Variants in SLC34A2 observed in about 807,000 individuals in gnomAD.
The protein encoded by SLC34A2 is solute carrier family 34 member 2.
Under a neutral mutation model 50.8 loss-of-function variants are expected in SLC34A2, and 41 were observed. The observed-to-expected ratio is 0.81, with a 90% CI of 0.63 to 1.05. The LOEUF (loss-of-function observed/expected upper bound fraction) is 1.05. Ranked by LOEUF, SLC34A2 falls within the 50% of genes least tolerant of loss-of-function variation. The probability of loss-of-function intolerance (pLI) is 0.00; values close to 1 mark genes in which losing one functional copy is unlikely to be tolerated. For missense variants in SLC34A2, 879 were observed against 876.7 expected (o/e 1.00, Z -0.03); for synonymous variants, 401 against 364.2 (o/e 1.10, Z -1.15).
At chr4:25,671,341 T>G (rs565321585) in intron 8 of SLC34A2, among the ~76,000 whole-genome samples, 12 of 152,236 alleles carry the variant, frequency 7.9e-5, no homozygotes, top group East Asian at 1.9e-4. Flanking sequence ...ATTTTTTTTG[T>G]GGGGTGCTAA....
Position 25,676,688 on chromosome 4 carries a change from G to T in SLC34A2, c.2012G>T (p.Ser671Ile), listed in dbSNP as rs201145885. Reference protein sequence around the residue: ...APETFDNITISREAQGEVPAS... With the variant: ...APETFDNITIIREAQGEVPAS... ...GAGACCTTTGATAACATAACCATTAGCAGAGAGGCTCAGGGTGAGGTCCCT... is the reference window on the plus strand; with the variant it reads ...GAGACCTTTGATAACATAACCATTATCAGAGAGGCTCAGGGTGAGGTCCCT... The change falls in exon 13 of 13, where the codon AGC becomes ATC. Residue 671 changes from serine to isoleucine, a missense_variant. By Grantham distance (142) the Ser-to-Ile change is moderately radical. Coordinates refer to ENST00000382051, the MANE Select transcript of SLC34A2 (RefSeq NM_006424.3). 1 of 1,614,226 alleles carries T rather than the reference G, an allele frequency of 6.2e-7. No homozygotes were observed. Among genetic ancestry groups the T allele is most frequent in the East Asian group, 2.2e-5 (1 of 44,886 alleles).
At position 25,676,348 on chromosome 4, in the gene SLC34A2, G is replaced by C; in HGVS notation, c.1672G>C (p.Val558Leu). The C allele has an allele frequency of 3.7e-6, 6 of 1,614,206 alleles. No homozygotes were observed. Among genetic ancestry groups the C allele is most frequent in the Non-Finnish European group, 5.1e-6 (6 of 1,180,052 alleles). The change falls in exon 13 of 13, where the codon GTC (valine) becomes CTC (leucine). Residue 558 changes from valine to leucine, a missense_variant. By Grantham distance (32) the Val-to-Leu change is conservative. Coordinates refer to ENST00000382051, the MANE Select transcript of SLC34A2 (RefSeq NM_006424.3). ...GGCCGGCTGGCGGGTGCTGGTTGGT[G>C]TCGGGGTTCCCGTCGTCTTCATCAT... ...SLAGWRVLVG[V>L]GVPVVFIIIL...
At chr4:25,665,450 G>T (rs1714446641) in intron 4 of SLC34A2, among the ~76,000 whole-genome samples, 1 of 152,130 alleles carries the variant, frequency 6.6e-6, no homozygotes, top group African/African-American at 2.4e-5. Flanking sequence ...TTACAGGTGT[G>T]AGCCACCGTG....
At chr4:25,662,966 G>A in intron 3 of SLC34A2, 124 bp downstream of exon 3, 1 of 1,143,088 alleles carries the variant, frequency 8.7e-7, no homozygotes, top group Non-Finnish European at 1.2e-6. Flanking sequence ...CCTGGCTAGG[G>A]ATGTCACCCT....
At chr4:25,664,899 C>T (rs1714407677) in intron 4 of SLC34A2, 2 of 233,564 alleles carry the variant, frequency 8.6e-6, no homozygotes, top group South Asian at 1.8e-4. Context: ...ACTCCGTCTA[C>T]TGGGTGCAGG....
chr4:25,659,850 TAAA>T (rs1293860209), intron 1 of SLC34A2, among the ~76,000 whole-genome samples: 1 of 152,196 alleles, frequency 6.6e-6, no homozygotes, highest in Non-Finnish European at 1.5e-5. Context: ...TTCTAAAATT[TAAA>T]AAATCACCCA....
Position 25,673,251 on chromosome 4 carries a change from A to G in SLC34A2, c.1213A>G (p.Thr405Ala), listed in dbSNP as rs1714916288. Residue 405 changes from threonine to alanine, a missense_variant, in exon 10 of 13, where the codon ACT becomes GCT. Coordinates refer to ENST00000382051, the MANE Select transcript of SLC34A2 (RefSeq NM_006424.3). ...VATVIKKTIN[T>A]DFPFPFAWLT... ...CACTGTCATCAAGAAGACCATCAAC[A>G]CTGGTAGGTACACTGCCCTCACTTG... 1.2e-6 allele frequency: 2 copies of G among 1,610,130 alleles called. No homozygotes were observed. Among genetic ancestry groups the G allele is most frequent in the South Asian group, 1.1e-5 (1 of 90,816 alleles).
At chr4:25,675,541 A>C (rs1056610564) in intron 12 of SLC34A2, among the ~76,000 whole-genome samples, 1 of 152,238 alleles carries the variant, frequency 6.6e-6, no homozygotes, top group Non-Finnish European at 1.5e-5. Context: ...GTCATCCTAA[A>C]ATTTTTTAGT....
Position 25,669,668 on chromosome 4 carries a change from C to T in SLC34A2, c.657C>T (p.Val219=), listed in dbSNP as rs1714707726. ...EFRRAFAGAT[V]HDFFNWLSVL... ...ATAGAGCTTTTGCAGGAGCCACTGT[C>T]CATGACTTCTTCAACTGGCTGTCCG... Residue 219 remains valine (V), a synonymous_variant, in exon 7 of 13, where the codon GTC becomes GTT. Coordinates refer to ENST00000382051, the MANE Select transcript of SLC34A2 (RefSeq NM_006424.3). The T allele has an allele frequency of 2.5e-6, 4 of 1,613,962 alleles. No individual in the cohort carries two copies. The highest frequency in any genetic ancestry group is 2.2e-5 in the South Asian group (2 of 91,072).
At position 25,662,426 on chromosome 4, in the gene SLC34A2, T is replaced by G. The variant is rs562928040; in HGVS notation, c.-3-72T>G. ...CCAGTTGATGCTTTGCAACCAATGG[T>G]TCTTCCTCTTATAGCATCTCGGTGT... On this transcript the variant is annotated intron_variant, in intron 1 of 12. Coordinates refer to ENST00000382051, the MANE Select transcript of SLC34A2 (RefSeq NM_006424.3). 4.8e-5 allele frequency: 66 copies of G among 1,368,342 alleles called. No individual in the cohort carries two copies. In the African/African-American group the frequency reaches 8.8e-4, roughly 18 times the overall value. 84.8% of individuals were successfully genotyped at this position (1,368,342 alleles called of 1,614,324 possible).
rs1022453751 is a variant in SLC34A2 at position 25,676,168 on chromosome 4, G to A, written c.1492G>A (p.Gly498Ser). ...GTGCCACTTTTTCTTCAACATCTCC[G>A]GCATCTTGCTGTGGTACCCGATCCC... ...ALCHFFFNIS[G>S]ILLWYPIPFT... Residue 498 changes from glycine to serine, a missense_variant, in exon 13 of 13, where the codon GGC (glycine) becomes AGC (serine). Transcript: ENST00000382051. The A allele has an allele frequency of 3.1e-6, 5 of 1,614,046 alleles. No individual in the cohort carries two copies. The highest frequency in any genetic ancestry group is 4.2e-6 in the Non-Finnish European group (5 of 1,180,026).
In SLC34A2 at chr4:25,669,729, T is replaced by G. The variant is rs779601225; in HGVS notation, c.718T>G (p.Tyr240Asp). ...CTTGCCCGTGGAGGTGGCCACCCAT[T>G]ACCTCGAGATCATAACCCAGCTTAT... is the stretch of plus-strand genomic sequence containing the variant. ...VLLPVEVATH[Y>D]LEIITQLIVE... Residue 240 changes from tyrosine (Y) to aspartate (D), a missense_variant, in exon 7 of 13, where the codon TAC (tyrosine) becomes GAC (aspartate). By Grantham distance (160) the Tyr-to-Asp change is radical. Transcript: ENST00000382051. 1.9e-6 allele frequency: 3 copies of G among 1,614,170 alleles called. No homozygotes were observed. Among genetic ancestry groups the G allele is most frequent in the South Asian group, 2.2e-5 (2 of 91,074 alleles).
intron 12 of SLC34A2, among the ~76,000 whole-genome samples, chr4:25,674,975 C>T (rs1715034290): frequency 6.6e-6 from 1 of 152,200 alleles, no homozygotes; most frequent in South Asian, 2.1e-4. Flanking sequence ...AACTCCTTGG[C>T]ATGGACCATC....
chr4:25,665,448 G>A (rs2109051854), intron 4 of SLC34A2, among the ~76,000 whole-genome samples: 1 of 152,256 alleles, frequency 6.6e-6, no homozygotes, highest in Non-Finnish European at 1.5e-5. Flanking sequence ...GATTACAGGT[G>A]TGAGCCACCG....
chr4:25,668,616 T>G (rs1455636073), intron 6 of SLC34A2, among the ~76,000 whole-genome samples: 1 of 150,248 alleles, frequency 6.7e-6, no homozygotes, highest in Non-Finnish European at 1.5e-5. Context: ...CACTCCAGCC[T>G]GGGTGACAGA....
chr4:25,675,786 C>A (rs573834349), intron 12 of SLC34A2, among the ~76,000 whole-genome samples: 3 of 152,322 alleles, frequency 2.0e-5, no homozygotes, highest in Admixed American at 1.3e-4. Context: ...AGCGCCTGGC[C>A]TCTGGAGCCA....
chr4:25,659,036 G>GA (rs1327688090), intron 1 of SLC34A2, among the ~76,000 whole-genome samples: 2 of 151,836 alleles, frequency 1.3e-5, no homozygotes, highest in East Asian at 3.9e-4. Context: ...CCAGCTATCC[G>GA]AAAACACTCA....
chr4:25,665,579 T>A (rs767789162), intron 4 of SLC34A2, among the ~76,000 whole-genome samples: 2 of 152,160 alleles, frequency 1.3e-5, no homozygotes, highest in Non-Finnish European at 2.9e-5. Flanking sequence ...ACCTTCTTTA[T>A]ACAATGGACT....
intron 8 of SLC34A2, among the ~76,000 whole-genome samples, 154 bp from the exon 9 acceptor site, chr4:25,671,447 G>A (rs765504185): frequency 6.6e-6 from 1 of 152,162 alleles, no homozygotes. Context: ...ATAAAGGTGA[G>A]AAATAAGTCT....
Sources: allele counts gnomAD v4.1 joint callset (sites outside exome capture counted in the v4.1 genomes callset), GRCh38; gene constraint gnomAD v4.1.1; transcripts MANE v1.5; gene names NCBI Gene and HGNC (gene_info 2026-07-23, HGNC 2026-07-21).